LBX2: variants seen among roughly 807,000 people sequenced by gnomAD.
LBX2 encodes ladybird homeobox 2, also known as transcription factor LBX2.
Under a neutral mutation model 7.5 loss-of-function variants are expected in LBX2, and 6 were observed. The observed-to-expected ratio is 0.80, with a 90% CI of 0.44 to 1.59. The LOEUF (loss-of-function observed/expected upper bound fraction) is 1.59. Ranked by LOEUF, LBX2 falls within the 40% of genes most tolerant of loss-of-function variation. LBX2 has a pLI of 0.01. For missense variants in LBX2, 281 were observed against 282.0 expected (o/e 1.00, Z 0.03); for synonymous variants, 143 against 133.2 (o/e 1.07, Z -0.51).
At position 74,499,392 on chromosome 2, in the gene LBX2, T is replaced by C. The variant is rs1674435900; in HGVS notation, c.146A>G (p.Glu49Gly). The C allele has an allele frequency of 1.3e-6, 2 of 1,550,486 alleles. No individual in the cohort carries two copies. Among genetic ancestry groups the C allele is most frequent in the Non-Finnish European group, 1.7e-6 (2 of 1,147,004 alleles). ...GCGGAAAGTTTTACTAGTCAGCTCC[T>C]CCAGCGCGCACAGCGGCGACGTTGG... ...PGPTSPLCAL[E>G]ELTSKTFRGL... The change falls in exon 1 of 2, where the codon GAG (glutamate) becomes GGG (glycine). Residue 49 changes from glutamate (E) to glycine (G), a missense_variant. By Grantham distance (98) the Glu-to-Gly change is moderately conservative. Around this residue, in one of 3 missense-constraint regions of LBX2, gnomAD observed 216 missense variants for 208.7 expected, o/e 1.03. Transcript: ENST00000377566. The surrounding 1 kb of genome is among the most constrained non-coding windows in gnomAD (Gnocchi z 4.6).
In LBX2 at chr2:74,499,470, C is replaced by T; in HGVS notation, c.68G>A (p.Arg23His). Residue 23 changes from arginine to histidine, a missense_variant, in exon 1 of 2, where the codon CGC becomes CAC. Physicochemically the swap from Arg to His is conservative, Grantham distance 29. Around this residue, in one of 3 missense-constraint regions of LBX2, gnomAD observed 216 missense variants for 208.7 expected, o/e 1.03. Coordinates refer to ENST00000377566, the MANE Select transcript of LBX2 (RefSeq NM_001282430.2). The surrounding 1 kb of genome is among the most constrained non-coding windows in gnomAD (Gnocchi z 4.6). ...LLSIADILAP[R>H]MVPRAPSAPQ... Reference sequence around the variant, plus strand: ...CGCAGAGGGTGCTCGGGGGACCATGCGCGGGGCTAGGATGTCTGCGATGCT... The same window carrying T: ...CGCAGAGGGTGCTCGGGGGACCATGTGCGGGGCTAGGATGTCTGCGATGCT... The T allele has an allele frequency of 1.3e-6, 2 of 1,550,514 alleles. No homozygotes were observed. The highest frequency in any genetic ancestry group is 8.7e-7 in the Non-Finnish European group (1 of 1,146,952).
chr2:74,500,880 C>G (rs1008185606), upstream of LBX2, among the ~76,000 whole-genome samples: 2 of 152,242 alleles, frequency 1.3e-5, no homozygotes, highest in Non-Finnish European at 2.9e-5. Flanking sequence ...AAAACAGTGT[C>G]AGGAAAAACC....
At position 74,497,839 on chromosome 2, in the gene LBX2, T is replaced by G. The variant is rs559017575; in HGVS notation, c.*88A>C. The G allele has an allele frequency of 1.9e-5, 26 of 1,394,204 alleles. No homozygotes were observed. In the Admixed American group the frequency reaches 2.7e-4, roughly 14 times the overall value. 86.4% of individuals were successfully genotyped at this position (1,394,204 alleles called of 1,614,324 possible). A position where few individuals can be genotyped will look rare whatever the true frequency, so the allele number is the denominator to read the frequency against. On this transcript the variant is annotated 3_prime_UTR_variant, in exon 2 of 2. Transcript: ENST00000377566. ...CCGGAAGAGGCCCAAGTGGACCTCC[T>G]TCCTCCACCCTGGAACTCTGGCCAG...
In LBX2 at chr2:74,498,056, C is replaced by A; in HGVS notation, c.468G>T (p.Ala156=). 1 of 1,613,570 alleles carries A rather than the reference C, an allele frequency of 6.2e-7. No homozygotes were observed. The highest frequency in any genetic ancestry group is 8.5e-7 in the Non-Finnish European group (1 of 1,179,826). The change falls in exon 2 of 2, where the codon GCG becomes GCT. Residue 156 remains alanine, a synonymous_variant. Coordinates refer to ENST00000377566, the MANE Select transcript of LBX2 (RefSeq NM_001282430.2). ...AGCTGCACAGGACTTCCGGGGACAA[C>A]GCGCGTAGCGAGGCGACGTCGGCGC... ...EMRADVASLR[A]LSPEVLCSLA...
In LBX2 at chr2:74,499,295, A is replaced by T. The variant is rs1298906172; in HGVS notation, c.205+38T>A. 4.6e-6 allele frequency: 7 copies of T among 1,511,498 alleles called. No individual in the cohort carries two copies. Among genetic ancestry groups the T allele is most frequent in the Non-Finnish European group, 6.3e-6 (7 of 1,111,924 alleles). 93.6% of individuals were successfully genotyped at this position (1,511,498 alleles called of 1,614,324 possible). A position where few individuals can be genotyped will look rare whatever the true frequency, so the allele number is the denominator to read the frequency against. On this transcript the variant is annotated intron_variant, in intron 1 of 1. Transcript: ENST00000377566. The surrounding 1 kb of genome is among the most constrained non-coding windows in gnomAD (Gnocchi z 4.6). ...AACCAGGAGGAGAGAGGTGAGGAAA[A>T]GGCTAAGTCAGAGTCCGCGACCTTG... is the stretch of plus-strand genomic sequence containing the variant.
upstream of LBX2, chr2:74,502,794 C>T: frequency 6.2e-7 from 1 of 1,614,018 alleles, no homozygotes; most frequent in Non-Finnish European, 8.5e-7. This position sits in a 1 kb window ranked among gnomAD's most constrained non-coding sequence, Gnocchi z 5.4. Flanking sequence ...AACTCCGACG[C>T]CCTCCTCGAC....
chr2:74,502,957 G>C, upstream of LBX2: 1 of 1,068,406 alleles, frequency 9.4e-7, no homozygotes, highest in Non-Finnish European at 1.3e-6. The surrounding 1 kb of genome is among the most constrained non-coding windows in gnomAD (Gnocchi z 5.4). Context: ...TTGGATGTGA[G>C]TCCTGGAAAT....
upstream of LBX2, chr2:74,501,445 A>G (rs1335699986): frequency 6.6e-6 from 1 of 152,282 alleles, no homozygotes; most frequent in African/African-American, 2.4e-5. Flanking sequence ...TCACTCATGC[A>G]TCCTCTATGT....
At chr2:74,502,447 G>T, upstream of LBX2, 2 of 580,568 alleles carry the variant, frequency 3.4e-6, no homozygotes, top group Non-Finnish European at 3.1e-6. This position sits in a 1 kb window ranked among gnomAD's most constrained non-coding sequence, Gnocchi z 5.4. Flanking sequence ...TTGGGGAGGT[G>T]GACAAGGACA....
rs1674397796 is a variant in LBX2, at chr2:74,498,093, A to G, written c.431T>C (p.Val144Ala). Reference sequence around the variant, plus strand: ...GGCGACGTCGGCGCGCATCTCCTCCACATCGCGCTTGAGCTTGGCTCGCCG... The same window carrying G: ...GGCGACGTCGGCGCGCATCTCCTCCGCATCGCGCTTGAGCTTGGCTCGCCG... ...QNRRAKLKRD[V>A]EEMRADVASL... The change falls in exon 2 of 2, where the codon GTG (valine) becomes GCG (alanine). Residue 144 changes from valine (V) to alanine (A), a missense_variant. Physicochemically the swap from Val to Ala is moderately conservative, Grantham distance 64. Around this residue, in one of 3 missense-constraint regions of LBX2, gnomAD observed 216 missense variants for 208.7 expected, o/e 1.03. Transcript: ENST00000377566. The G allele has an allele frequency of 6.2e-7, 1 of 1,613,180 alleles. No homozygotes were observed. Among genetic ancestry groups the G allele is most frequent in the Admixed American group, 1.7e-5 (1 of 59,982 alleles).
chr2:74,503,183 T>A, upstream of LBX2: 1 of 294,876 alleles, frequency 3.4e-6, no homozygotes, highest in Non-Finnish European at 6.3e-6. The surrounding 1 kb of genome is among the most constrained non-coding windows in gnomAD (Gnocchi z 5.1). Flanking sequence ...GGCGTGATTC[T>A]CCCTCCCTGG....
At position 74,498,424 on chromosome 2, in the gene LBX2, G is replaced by A. The variant is rs1403695019; in HGVS notation, c.206-106C>T. ...GGCCGGTGGCGGTGGGGGAAGTAGA[G>A]GGAGAGCCAGGAAGGCGGACGGAGA... On this transcript the variant is annotated intron_variant, in intron 1 of 1. Coordinates refer to ENST00000377566, the MANE Select transcript of LBX2 (RefSeq NM_001282430.2). 5 of 849,528 alleles carry A rather than the reference G, an allele frequency of 5.9e-6. No homozygotes were observed. In the South Asian group the frequency reaches 9.1e-5, roughly 15 times the overall value. 52.6% of individuals were successfully genotyped at this position (849,528 alleles called of 1,614,324 possible). A position where few individuals can be genotyped will look rare whatever the true frequency, so the allele number is the denominator to read the frequency against.
rs753054583 is a variant in LBX2 at position 74,499,393 on chromosome 2, C to T, written c.145G>A (p.Glu49Lys). The T allele has an allele frequency of 1.5e-5, 24 of 1,550,636 alleles. No homozygotes were observed. The highest frequency in any genetic ancestry group is 1.9e-5 in the Non-Finnish European group (22 of 1,146,998). The change falls in exon 1 of 2, where the codon GAG becomes AAG. Residue 49 changes from glutamate to lysine, a missense_variant. By Grantham distance (56) the Glu-to-Lys change is moderately conservative (BLOSUM62 1). Transcript: ENST00000377566. This position sits in a 1 kb window ranked among gnomAD's most constrained non-coding sequence, Gnocchi z 4.6. ...PGPTSPLCAL[E>K]ELTSKTFRGL... Reference sequence around the variant, plus strand: ...CGGAAAGTTTTACTAGTCAGCTCCTCCAGCGCGCACAGCGGCGACGTTGGA... The same window carrying T: ...CGGAAAGTTTTACTAGTCAGCTCCTTCAGCGCGCACAGCGGCGACGTTGGA...
At chr2:74,499,832 G>A (rs190364337), upstream of LBX2, 345 of 488,718 alleles carry the variant, frequency 7.1e-4, no homozygotes, top group African/African-American at 5.5e-3. The surrounding 1 kb of genome is among the most constrained non-coding windows in gnomAD (Gnocchi z 4.6). Flanking sequence ...GCGCTGCGGG[G>A]CGCTGCACCG....
chr2:74,499,334 T>C lies in LBX2; in HGVS notation c.204A>G (p.Glu68=). ...TCCGCGACCTTGCCGGCTCTATACC[T>C]TCAGAGGGCTGCAGAGCGCGCGCGT... is the stretch of plus-strand genomic sequence containing the variant. ...GLDARALQPS[E]GRAGPDALGP... is the part of the protein sequence containing the mutation. The change falls in exon 1 of 2, where the codon GAA becomes GAG. Residue 68 remains glutamate (E), a splice_region_variant and synonymous_variant. Transcript: ENST00000377566. The surrounding 1 kb of genome is among the most constrained non-coding windows in gnomAD (Gnocchi z 4.6). 1 of 1,550,426 alleles carries C rather than the reference T, an allele frequency of 6.4e-7. No individual in the cohort carries two copies. The highest frequency in any genetic ancestry group is 8.7e-7 in the Non-Finnish European group (1 of 1,146,848).
upstream of LBX2, chr2:74,499,638 C>T: frequency 7.8e-7 from 1 of 1,281,176 alleles, no homozygotes; most frequent in Non-Finnish European, 1.1e-6. This position sits in a 1 kb window ranked among gnomAD's most constrained non-coding sequence, Gnocchi z 4.6. Context: ...AGCCTCGGAC[C>T]CGCCCCCGGC....
upstream of LBX2, among the ~76,000 whole-genome samples, chr2:74,500,820 G>A (rs1674470136): frequency 6.6e-6 from 1 of 152,218 alleles, no homozygotes; most frequent in Non-Finnish European, 1.5e-5. Context: ...TGAGGAGCTT[G>A]CTGCTTTGCT....
Position 74,497,909 on chromosome 2 carries a change from T to C in LBX2, c.*18A>G. The stretch of plus-strand genomic sequence containing the variant: ...GAGTCCAGGGCCCCAGAGCCCAGGA[T>C]TGGCGGCGGCTTTGTCTTCAATCGT... On this transcript the variant is annotated 3_prime_UTR_variant, in exon 2 of 2. Transcript: ENST00000377566. 1.3e-6 allele frequency: 2 copies of C among 1,531,202 alleles called. No individual in the cohort carries two copies. The highest frequency in any genetic ancestry group is 1.8e-6 in the Non-Finnish European group (2 of 1,137,232). 94.9% of individuals were successfully genotyped at this position (1,531,202 alleles called of 1,614,324 possible).
intron 1 of LBX2, chr2:74,498,698 G>A (rs1674415244): frequency 3.9e-6 from 1 of 253,392 alleles, no homozygotes; most frequent in Admixed American, 4.9e-5. Context: ...AAGAGTCAGG[G>A]CAGCCGACCC....
Sources: gnomAD v4.1 joint callset for allele counts (sites outside exome capture counted in the v4.1 genomes callset) on GRCh38, gnomAD v4.1.1 for gene constraint, gnomAD v4.1.1 regional missense constraint, Gnocchi (gnomAD v3.1) non-coding constraint, MANE v1.5 for transcripts, NCBI Gene and HGNC (gene_info 2026-07-23, HGNC 2026-07-21) for gene names.